Variants in DPP6 observed in about 807,000 individuals in gnomAD.
The protein encoded by DPP6 is dipeptidyl peptidase like 6.
A neutral mutation model predicts 122.6 loss-of-function variants in DPP6; 69 were observed. That is an observed-to-expected ratio of 0.56 (90% CI 0.46 to 0.69). DPP6 has a LOEUF of 0.69. Among genes scored for constraint, DPP6 ranks in the 30% least tolerant of loss-of-function variants. The pLI is 0.00. For missense variants in DPP6, 928 were observed against 1,116.9 expected (o/e 0.83, Z 2.41); for synonymous variants, 418 against 433.1 (o/e 0.97, Z 0.43).
chr7:153,790,377 C>A, the DPP6 span, among the ~76,000 whole-genome samples: 1 of 152,184 alleles, frequency 6.6e-6, no homozygotes, highest in African/African-American at 2.4e-5. Flanking sequence ...AAATTTCTGT[C>A]ATTGTGCTAT....
intron 5 of DPP6, among the ~76,000 whole-genome samples, chr7:154,627,490 G>A (rs182194928): frequency 8.5e-5 from 13 of 152,106 alleles, no homozygotes; most frequent in African/African-American, 1.2e-4. Flanking sequence ...GAGCCACCAC[G>A]CCCGGCCTTT....
At chr7:154,184,488 CG>C (rs1798254561) in intron 1 of DPP6, among the ~76,000 whole-genome samples, 1 of 151,884 alleles carries the variant, frequency 6.6e-6, no homozygotes, top group Admixed American at 6.6e-5. Context: ...CTGGGCATCA[CG>C]TTGCTTCCGA....
At chr7:154,685,001 T>C (rs542784053) in intron 7 of DPP6, among the ~76,000 whole-genome samples, 1 of 152,300 alleles carries the variant, frequency 6.6e-6, no homozygotes, top group South Asian at 2.1e-4. Context: ...AATAAAGGAA[T>C]AAATTAATCA....
intron 1 of DPP6, among the ~76,000 whole-genome samples, chr7:154,406,960 C>G (rs951420619): frequency 6.6e-6 from 1 of 152,196 alleles, no homozygotes; most frequent in Non-Finnish European, 1.5e-5. Flanking sequence ...GTCACCTGAT[C>G]ATCCACTAAT....
intron 3 of DPP6, among the ~76,000 whole-genome samples, chr7:154,493,853 G>A (rs1824499069): frequency 6.6e-6 from 1 of 152,174 alleles, no homozygotes; most frequent in Admixed American, 6.5e-5. Context: ...TGGTTTATGT[G>A]TGAGCAAAAT....
intron 16 of DPP6, among the ~76,000 whole-genome samples, chr7:154,823,523 C>A (rs1417025088): frequency 2.0e-5 from 3 of 152,114 alleles, no homozygotes; most frequent in African/African-American, 7.2e-5. Flanking sequence ...AGTACTGGTG[C>A]CTGCGGATAA....
intron 1 of DPP6, among the ~76,000 whole-genome samples, chr7:153,990,086 T>A (rs1355667080): frequency 1.1e-5 from 1 of 91,380 alleles, no homozygotes; most frequent in African/African-American, 4.2e-5. Context: ...GCTCTGGCCC[T>A]TCTAAGCCCC....
chr7:154,127,640 C>CACAG (rs1554470634), intron 1 of DPP6, among the ~76,000 whole-genome samples: 2 of 106,960 alleles, frequency 1.9e-5, no homozygotes, highest in African/African-American at 8.6e-5. Flanking sequence ...CACAGACACA[C>CACAG]ACACACACAC....
chr7:154,572,683 A>ATTT (rs34011988), intron 5 of DPP6, among the ~76,000 whole-genome samples: 3,281 of 130,694 alleles, frequency 0.025, 78 homozygotes, highest in African/African-American at 0.041. Flanking sequence ...CACATGGCTA[A>ATTT]TTTTTTTTTT....
intron 1 of DPP6, among the ~76,000 whole-genome samples, chr7:154,108,515 G>T (rs1414578772): frequency 6.6e-6 from 1 of 152,116 alleles, no homozygotes; most frequent in Non-Finnish European, 1.5e-5. Flanking sequence ...CCTAACACTG[G>T]GACAAGCAGA....
At chr7:153,894,553 A>G (rs897651165) in intron 1 of DPP6, among the ~76,000 whole-genome samples, 2 of 152,194 alleles carry the variant, frequency 1.3e-5, no homozygotes, top group African/African-American at 4.8e-5. Flanking sequence ...CAATGGCTGA[A>G]CAGTAGAATC....
chr7:154,328,029 G>A (rs1306157503), intron 1 of DPP6, among the ~76,000 whole-genome samples: 2 of 152,218 alleles, frequency 1.3e-5, no homozygotes, highest in South Asian at 4.1e-4. Context: ...CTCTGGTGGA[G>A]GTGGTTGTTA....
intron 1 of DPP6, among the ~76,000 whole-genome samples, chr7:153,988,519 A>T (rs1219025554): frequency 6.6e-6 from 1 of 152,174 alleles, no homozygotes; most frequent in African/African-American, 2.4e-5. Context: ...TTTGTCTTCC[A>T]AGTTCTGGCC....
chr7:154,687,141 A>G (rs891827828), intron 7 of DPP6, among the ~76,000 whole-genome samples: 63 of 152,202 alleles, frequency 4.1e-4, no homozygotes, highest in African/African-American at 1.4e-3. Flanking sequence ...ACATGAGTGT[A>G]GACGCTTGAT....
intron 1 of DPP6, among the ~76,000 whole-genome samples, chr7:154,133,177 C>T (rs1795374084): frequency 6.6e-6 from 1 of 152,166 alleles, no homozygotes; most frequent in Non-Finnish European, 1.5e-5. Context: ...TTATATACCT[C>T]ATAGAAACAG....
At chr7:154,138,309 A>G (rs1795680696) in intron 1 of DPP6, among the ~76,000 whole-genome samples, 1 of 152,224 alleles carries the variant, frequency 6.6e-6, no homozygotes, top group Admixed American at 6.5e-5. Context: ...ACTTAATTCA[A>G]CTGAATGGAA....
At chr7:154,131,517 G>A (rs1201982862) in intron 1 of DPP6, among the ~76,000 whole-genome samples, 92 of 151,172 alleles carry the variant, frequency 6.1e-4, no homozygotes, top group African/African-American at 2.1e-3. Context: ...GTGGAACTAG[G>A]TCATCCCCTT....
intron 1 of DPP6, among the ~76,000 whole-genome samples, chr7:154,060,010 C>G (rs559912158): frequency 5.4e-5 from 8 of 149,180 alleles, no homozygotes; most frequent in African/African-American, 2.0e-4. Context: ...ACCCGCATCG[C>G]GGGAGGGGAG....
intron 1 of DPP6, among the ~76,000 whole-genome samples, 199 bp downstream of exon 1, chr7:154,053,262 G>C (rs1800536792): frequency 6.6e-6 from 1 of 151,328 alleles, no homozygotes; most frequent in South Asian, 2.1e-4. Context: ...GTCTGTGTCT[G>C]CAGCCGCGGC....
Sources: gnomAD v4.1 joint callset for allele counts (sites outside exome capture counted in the v4.1 genomes callset) on GRCh38, gnomAD v4.1.1 for gene constraint, MANE v1.5 for transcripts, NCBI Gene and HGNC (gene_info 2026-07-23, HGNC 2026-07-21) for gene names.